The following SMG1 variants were observed in gnomAD, a reference collection of about 807,000 sequenced individuals.
The protein encoded by SMG1 is SMG1 nonsense mediated mRNA decay associated PI3K related kinase, also known as serine/threonine-protein kinase SMG1.
In SMG1, 22 loss-of-function variants were observed where a neutral mutation model predicts 419.9. The observed-to-expected ratio is 0.05, with a 90% CI of 0.04 to 0.07. The LOEUF (loss-of-function observed/expected upper bound fraction) is 0.07, where lower values mean the gene tolerates loss of function less well. Ranked by LOEUF, SMG1 falls within the 10% of genes least tolerant of loss-of-function variation. The pLI, the probability that SMG1 is intolerant of heterozygous loss-of-function variation, is 1.00. For missense variants in SMG1, 3,185 were observed against 4,342.0 expected (o/e 0.73, Z 7.49); for synonymous variants, 1,538 against 1,553.5 (o/e 0.99, Z 0.23).
chr16:18,868,703 G>A lies in SMG1; in HGVS notation c.2850C>T (p.Leu950=), dbSNP rs372528620. 25 of 1,251,552 alleles carry A rather than the reference G, an allele frequency of 2.0e-5. No individual in the cohort carries two copies. Among genetic ancestry groups the A allele is most frequent in the South Asian group, 5.0e-5 (4 of 80,204 alleles). The allele number at this position is 1,251,552 out of a possible 1,614,324, so 77.5% of individuals were successfully genotyped here. A position where few individuals can be genotyped will look rare whatever the true frequency, so the allele number is the denominator to read the frequency against. ...GATCAGGGTTTAATGTGTGAGCTGC[G>A]AGACTTCGAATGATACCTGAAAGCA... ...FQTIEGIIRS[L]AAHTLNPDQD... Residue 950 remains leucine, a synonymous_variant, in exon 21 of 63, where the codon CTC becomes CTT. Transcript: ENST00000446231.
At chr16:18,884,912 T>A (rs1339072836) in intron 8 of SMG1, 178 bp downstream of exon 8, 3 of 598,842 alleles carry the variant, frequency 5.0e-6, no homozygotes, top group Non-Finnish European at 8.8e-6. Context: ...ACCCACCTAC[T>A]AGTAATTTCC....
rs369371511 is a variant in SMG1 at position 18,838,043 on chromosome 16, G to A, written c.7384C>T (p.Leu2462=). Residue 2462 remains leucine (L), a synonymous_variant, in exon 45 of 63, where the codon CTG becomes TTG. Transcript: ENST00000446231. ...ATCTCAGCTACTCTAGAAGAAAACAGGCTGCGGGTGATCTCTCGCTCCATC... is the reference window on the plus strand; with the variant it reads ...ATCTCAGCTACTCTAGAAGAAAACAAGCTGCGGGTGATCTCTCGCTCCATC... ...REMEREITRS[L]FSSRVAEIKV... is the part of the protein sequence containing the mutation. 9.3e-6 allele frequency: 15 copies of A among 1,613,826 alleles called. No individual in the cohort carries two copies. The African/African-American group carries it at 1.6e-4, about 17-fold the overall frequency.
At chr16:18,890,667 T>C (rs1475724017) in intron 5 of SMG1, among the ~76,000 whole-genome samples, 196 bp downstream of exon 5, 1 of 152,138 alleles carries the variant, frequency 6.6e-6, no homozygotes, top group Admixed American at 6.5e-5. Context: ...AAATAAAGTA[T>C]TCTTTTCAAG....
chr16:18,816,769 AC>A (rs1445127046), intron 57 of SMG1, among the ~76,000 whole-genome samples: 1 of 152,206 alleles, frequency 6.6e-6, no homozygotes, highest in Admixed American at 6.5e-5. Flanking sequence ...AAAGTTTAAG[AC>A]CTGAGAAATA....
rs749317706 is a variant in SMG1 at position 18,849,282 on chromosome 16, G to C, written c.5558C>G (p.Pro1853Arg). The C allele has an allele frequency of 2.5e-6, 4 of 1,613,576 alleles. No individual in the cohort carries two copies. Among genetic ancestry groups the C allele is most frequent in the Non-Finnish European group, 3.4e-6 (4 of 1,179,670 alleles). ...NLLCRVAQDS[P>R]HLILYPAIVG... ...TATTGCAGGATACAATATGAGATGT[G>C]GGGAATCTTGAGCCACACGGCAGAG... Residue 1853 changes from proline to arginine, a missense_variant, in exon 36 of 63, where the codon CCA (proline) becomes CGA (arginine). Transcript: ENST00000446231.
At chr16:18,921,189 C>T (rs2038186328) in intron 1 of SMG1, among the ~76,000 whole-genome samples, 1 of 147,262 alleles carries the variant, frequency 6.8e-6, no homozygotes. Context: ...AATAAATTAG[C>T]CTGGGACTAA....
intron 49 of SMG1, 102 bp downstream of exon 49, chr16:18,834,790 G>A: frequency 8.0e-7 from 1 of 1,254,234 alleles, no homozygotes; most frequent in Non-Finnish European, 1.1e-6. Flanking sequence ...CAAGTAAGCA[G>A]CTGTAACACT....
rs1567329340 is a variant in SMG1, at chr16:18,829,619, C to T, written c.9270G>A (p.Val3090=). Residue 3090 remains valine (V), a synonymous_variant, in exon 54 of 63, where the codon GTG becomes GTA. Coordinates refer to ENST00000446231, the MANE Select transcript of SMG1 (RefSeq NM_015092.5). ...TGGGTAGCCCTATCAAGAGCTGCCTCACAAAGTCAGCTGTGAATGCCTTGA... is the reference window on the plus strand; with the variant it reads ...TGGGTAGCCCTATCAAGAGCTGCCTTACAAAGTCAGCTGTGAATGCCTTGA... ...KPIKAFTADF[V]RQLLIGLPNQ... 1 of 1,613,846 alleles carries T rather than the reference C, an allele frequency of 6.2e-7. No homozygotes were observed. The highest frequency in any genetic ancestry group is 1.1e-5 in the South Asian group (1 of 91,082).
At chr16:18,881,960 G>C (rs1386211689) in intron 10 of SMG1, among the ~76,000 whole-genome samples, 1 of 152,002 alleles carries the variant, frequency 6.6e-6, no homozygotes, top group Non-Finnish European at 1.5e-5. Flanking sequence ...TAGGGGAGTT[G>C]GATGAAAGGA....
chr16:18,837,979 A>T (rs1375122011), intron 45 of SMG1, 35 bp downstream of exon 45: 1 of 1,600,422 alleles, frequency 6.2e-7, no homozygotes, highest in South Asian at 1.1e-5. Flanking sequence ...ATTAATAAAA[A>T]GAAGACAATG....
intron 62 of SMG1, 57 bp from the exon 63 acceptor site, chr16:18,809,703 T>C: frequency 7.3e-7 from 1 of 1,365,338 alleles, no homozygotes; most frequent in East Asian, 2.5e-5. Flanking sequence ...AATTGTCTGC[T>C]GAATTACAAT....
Position 18,836,192 on chromosome 16 carries a change from C to T in SMG1, c.7798G>A (p.Ala2600Thr). 6.2e-7 allele frequency: 1 copy of T among 1,612,014 alleles called. No individual in the cohort carries two copies. The highest frequency in any genetic ancestry group is 8.5e-7 in the Non-Finnish European group (1 of 1,178,894). Residue 2600 changes from alanine (A) to threonine (T), a missense_variant, in exon 48 of 63, where the codon GCA becomes ACA. Physicochemically the swap from Ala to Thr is moderately conservative, Grantham distance 58. This residue lies in a region of SMG1 where 412 missense variants were observed against 546.6 expected (regional missense o/e 0.75). Transcript: ENST00000446231. ...CCAGCATTCTGCAGAAAGGCTGTTG[C>T]TGGCACGTAACTTGGAGGACCTTTT... ...MDLGPPSYVPATAFLQNAGQA... is the reference protein window; with the variant it reads ...MDLGPPSYVPTTAFLQNAGQA...
intron 60 of SMG1, among the ~76,000 whole-genome samples, chr16:18,812,633 TATATATACACATATACACACACAC>T (rs1452393785): frequency 2.3e-5 from 3 of 132,894 alleles, no homozygotes; most frequent in Non-Finnish European, 5.1e-5. Context: ...TATATACACA[TATATATACACATATACACACACAC>T]ACACATATAT....
At chr16:18,913,934 G>C (rs189408108) in intron 1 of SMG1, among the ~76,000 whole-genome samples, 1 of 152,012 alleles carries the variant, frequency 6.6e-6, no homozygotes, top group African/African-American at 2.4e-5. Flanking sequence ...GGGAAGCCAA[G>C]GCAGGGGGCA....
At chr16:18,886,813 G>A in intron 6 of SMG1, among the ~76,000 whole-genome samples, 1 of 152,022 alleles carries the variant, frequency 6.6e-6, no homozygotes, top group East Asian at 1.9e-4. Flanking sequence ...AAAAAAAAGA[G>A]AAAAAGAAAA....
rs1440681683 is a variant in SMG1 at position 18,858,302 on chromosome 16, A to G, written c.4114-12T>C. The G allele has an allele frequency of 6.3e-7, 1 of 1,578,568 alleles. No homozygotes were observed. The highest frequency in any genetic ancestry group is 1.9e-4 in the Middle Eastern group (1 of 5,132). The stretch of plus-strand genomic sequence containing the variant: ...GGAATAAGACAGTCCTGCCAGAGAA[A>G]AACCAAAATTACTCAACATAAAACA... On this transcript the variant is annotated splice_polypyrimidine_tract_variant and intron_variant, in intron 28 of 62. Coordinates refer to ENST00000446231, the MANE Select transcript of SMG1 (RefSeq NM_015092.5).
intron 11 of SMG1, chr16:18,879,210 G>T: frequency 2.4e-6 from 1 of 421,056 alleles, no homozygotes; most frequent in East Asian, 5.1e-5. Context: ...CAAGTTCCTG[G>T]GCTTAATCGA....
At chr16:18,848,127 A>G in intron 36 of SMG1, 94 bp from the exon 37 acceptor site, 2 of 1,072,732 alleles carry the variant, frequency 1.9e-6, no homozygotes, top group Non-Finnish European at 2.7e-6. Flanking sequence ...ATTTGACTCA[A>G]GAGCACTCAT....
At chr16:18,854,151 A>G (rs747858884) in intron 30 of SMG1, among the ~76,000 whole-genome samples, 2 of 146,070 alleles carry the variant, frequency 1.4e-5, no homozygotes, top group Non-Finnish European at 3.0e-5. Flanking sequence ...CAGTAGCACA[A>G]TCAGGGCTCA....
Sources: allele counts gnomAD v4.1 joint callset (sites outside exome capture counted in the v4.1 genomes callset), GRCh38; gene constraint gnomAD v4.1.1; regional missense constraint gnomAD v4.1.1; transcripts MANE v1.5; gene names NCBI Gene and HGNC (gene_info 2026-07-23, HGNC 2026-07-21).